Variants in GRXCR2 observed in about 807,000 individuals in gnomAD.
GRXCR2 encodes the protein glutaredoxin domain-containing cysteine-rich protein 2.
GRXCR2 carries 23 observed loss-of-function variants against 24.8 expected under a neutral mutation model. The observed-to-expected ratio is 0.93, with a 90% CI of 0.67 to 1.32. GRXCR2 has a LOEUF of 1.32. GRXCR2 is among the 40% of genes most tolerant of loss of function. The pLI is 0.00. For missense variants in GRXCR2, 315 were observed against 303.4 expected (o/e 1.04, Z -0.28); for synonymous variants, 130 against 116.1 (o/e 1.12, Z -0.77).
intron 2 of GRXCR2, among the ~76,000 whole-genome samples, chr5:145,927,353 T>C (rs1757413294): frequency 6.6e-6 from 1 of 152,188 alleles, no homozygotes. Flanking sequence ...CAGTATGATA[T>C]TGGCTGTGGG....
intron 2 of GRXCR2, among the ~76,000 whole-genome samples, chr5:145,930,612 G>T (rs1311974071): frequency 1.3e-5 from 2 of 152,014 alleles, no homozygotes; most frequent in Admixed American, 1.3e-4. Flanking sequence ...CATGATTATG[G>T]CAAAAGGCAT....
At chr5:145,919,750 A>AG (rs1491504162) in intron 2 of GRXCR2, among the ~76,000 whole-genome samples, 1 of 152,036 alleles carries the variant, frequency 6.6e-6, no homozygotes, top group Non-Finnish European at 1.5e-5. Flanking sequence ...TGATTTCCTC[A>AG]GGGGGAAGAT....
intron 2 of GRXCR2, among the ~76,000 whole-genome samples, chr5:145,888,614 C>A (rs374017837): frequency 6.6e-6 from 1 of 152,032 alleles, no homozygotes; most frequent in East Asian, 1.9e-4. Context: ...TACACGAATA[C>A]AGTGTTTTGT....
At chr5:145,890,128 T>G (rs1275682664) in intron 2 of GRXCR2, among the ~76,000 whole-genome samples, 1 of 152,244 alleles carries the variant, frequency 6.6e-6, no homozygotes, top group Non-Finnish European at 1.5e-5. Context: ...CTTCTTCTGT[T>G]GCCAGGCTGG....
intron 2 of GRXCR2, among the ~76,000 whole-genome samples, chr5:145,889,485 T>G (rs1756831274): frequency 6.6e-6 from 1 of 152,208 alleles, no homozygotes. Flanking sequence ...TGTCATCTGC[T>G]GTTGCATCTC....
intron 2 of GRXCR2, among the ~76,000 whole-genome samples, chr5:145,890,733 C>T (rs1370406586): frequency 7.2e-5 from 11 of 151,842 alleles, no homozygotes; most frequent in Admixed American, 7.2e-4. Flanking sequence ...AAGCAGACAA[C>T]TAACAACTTC....
intron 2 of GRXCR2, among the ~76,000 whole-genome samples, chr5:145,929,225 C>A (rs1366250800): frequency 8.8e-5 from 7 of 79,478 alleles, no homozygotes; most frequent in Admixed American, 5.4e-4. Context: ...ATATATATAT[C>A]ACCATTTATT....
chr5:145,908,602 T>C (rs554429430), intron 2 of GRXCR2, among the ~76,000 whole-genome samples: 3 of 152,340 alleles, frequency 2.0e-5, no homozygotes, highest in Admixed American at 2.0e-4. Flanking sequence ...AACAGCTGGA[T>C]CTACTGAAGC....
At chr5:145,893,519 G>A (rs9716439) in intron 2 of GRXCR2, among the ~76,000 whole-genome samples, 14,328 of 151,948 alleles carry the variant, frequency 0.094, 1,658 homozygotes, top group African/African-American at 0.28. Flanking sequence ...ACCAACAAAG[G>A]TCAAAAGAGA....
chr5:145,894,106 C>A (rs1756912096), intron 2 of GRXCR2, among the ~76,000 whole-genome samples: 1 of 152,160 alleles, frequency 6.6e-6, no homozygotes, highest in Non-Finnish European at 1.5e-5. Context: ...ACACAACATA[C>A]CAGAATCTCT....
intron 2 of GRXCR2, 47 bp downstream of exon 2, chr5:145,866,454 T>G: frequency 7.1e-7 from 1 of 1,400,244 alleles, no homozygotes; most frequent in Non-Finnish European, 1.0e-6. Flanking sequence ...TGGAGACCAT[T>G]GCTGTAGGGC....
intron 2 of GRXCR2, among the ~76,000 whole-genome samples, chr5:145,880,230 C>A (rs893535049): frequency 1.3e-5 from 2 of 151,946 alleles, no homozygotes; most frequent in African/African-American, 4.8e-5. Context: ...ACAAAAAAAA[C>A]CCTTCAAAAA....
intron 1 of GRXCR2, among the ~76,000 whole-genome samples, chr5:145,867,433 T>C (rs2149910237): frequency 6.6e-6 from 1 of 152,352 alleles, no homozygotes; most frequent in East Asian, 1.9e-4. Context: ...ATATACTCTG[T>C]TGCAACCTAT....
intron 2 of GRXCR2, among the ~76,000 whole-genome samples, chr5:145,892,819 A>T (rs1756889425): frequency 1.3e-5 from 2 of 152,216 alleles, no homozygotes; most frequent in South Asian, 4.1e-4. Context: ...CAACTCCAAG[A>T]CACATAATTG....
chr5:145,889,172 A>AAAAGAAAG (rs557521873), intron 2 of GRXCR2, among the ~76,000 whole-genome samples: 8,199 of 83,788 alleles, frequency 0.098, 681 homozygotes, highest in East Asian at 0.16. Context: ...CTGTCTCAAA[A>AAAAGAAAG]AAAGAAAGAA....
intron 2 of GRXCR2, among the ~76,000 whole-genome samples, chr5:145,884,622 A>T (rs2149916571): frequency 6.9e-6 from 1 of 145,238 alleles, no homozygotes; most frequent in Non-Finnish European, 1.5e-5. Context: ...TACACAAAGT[A>T]AAAATGAAAA....
At chr5:145,893,882 A>G (rs1006373866) in intron 2 of GRXCR2, among the ~76,000 whole-genome samples, 3 of 152,244 alleles carry the variant, frequency 2.0e-5, no homozygotes, top group African/African-American at 7.2e-5. Context: ...CATAGTTGGA[A>G]GTAAAGCACT....
intron 2 of GRXCR2, among the ~76,000 whole-genome samples, chr5:145,916,500 A>G (rs1316804160): frequency 6.6e-6 from 1 of 152,186 alleles, no homozygotes; most frequent in African/African-American, 2.4e-5. Context: ...AGGGGAGTCT[A>G]TGAAAAAGCT....
chr5:145,859,965 GTTCACATGCAGGTCAAAACAGCAC>G (rs1756306625), intron 2 of GRXCR2, 50 bp from the exon 3 acceptor site: 1 of 1,459,852 alleles, frequency 6.9e-7, no homozygotes, highest in African/African-American at 1.4e-5. Context: ...CAAGTCCGTT[GTTCACATGCAGGTCAAAACAGCAC>G]TAGACTACAG....
Sources: allele counts gnomAD v4.1 joint callset (sites outside exome capture counted in the v4.1 genomes callset), GRCh38; gene constraint gnomAD v4.1.1; transcripts MANE v1.5; gene names NCBI Gene and HGNC (gene_info 2026-07-23, HGNC 2026-07-21).